Variants in ABLIM1 observed in about 807,000 individuals in gnomAD.
The protein encoded by ABLIM1 is actin-binding LIM protein 1.
In ABLIM1, 40 loss-of-function variants were observed where a neutral mutation model predicts 107.0. The ratio of observed to expected loss-of-function variants is 0.37; its 90% CI spans 0.29 to 0.49. The LOEUF (loss-of-function observed/expected upper bound fraction) is 0.49. Ranked by LOEUF, ABLIM1 falls within the 20% of genes least tolerant of loss-of-function variation. The pLI, the probability that ABLIM1 is intolerant of heterozygous loss-of-function variation, is 0.97. For missense variants in ABLIM1, 857 were observed against 1,008.5 expected (o/e 0.85, Z 2.04); for synonymous variants, 357 against 357.3 (o/e 1.00, Z 0.01).
rs1319968575 is a variant in ABLIM1 at position 114,431,946 on chromosome 10, C to T, written c.*4314G>A. 1 of 151,082 alleles carries T rather than the reference C, an allele frequency of 6.6e-6. No individual in the cohort carries two copies. Among genetic ancestry groups the T allele is most frequent in the African/African-American group, 2.4e-5 (1 of 41,036 alleles). 9.4% of individuals were successfully genotyped at this position (151,082 alleles called of 1,614,324 possible). On this transcript the variant is annotated 3_prime_UTR_variant, in exon 23 of 23. Transcript: ENST00000533213. Reference sequence around the variant, plus strand: ...AAAGCATATCTGCCACCACCTCCCACTGCTTCCTGGGCCGCAAACAGAAAA... The same window carrying T: ...AAAGCATATCTGCCACCACCTCCCATTGCTTCCTGGGCCGCAAACAGAAAA...
intron 6 of ABLIM1, among the ~76,000 whole-genome samples, chr10:114,500,781 G>GGGAAGGGAAA (rs2060323602): frequency 6.9e-6 from 1 of 145,284 alleles, no homozygotes; most frequent in African/African-American, 2.7e-5. Flanking sequence ...GGGAAGGGAA[G>GGGAAGGGAAA]GGAAGGGAAG....
intron 6 of ABLIM1, among the ~76,000 whole-genome samples, chr10:114,495,618 C>T (rs968620985): frequency 2.6e-5 from 4 of 151,898 alleles, no homozygotes; most frequent in East Asian, 1.9e-4. Context: ...GTGGTGATGA[C>T]GGTGCTGCTG....
chr10:114,473,963 A>C lies in ABLIM1; in HGVS notation c.1042-7T>G. 6.2e-7 allele frequency: 1 copy of C among 1,611,736 alleles called. No homozygotes were observed. Among genetic ancestry groups the C allele is most frequent in the Non-Finnish European group, 8.5e-7 (1 of 1,178,150 alleles). The stretch of plus-strand genomic sequence containing the variant: ...CCGAGGATGTCCTGGTAGGCTGTAA[A>C]ATAAACAGTGACTTGTAAGACTTCG... On this transcript the variant is annotated splice_polypyrimidine_tract_variant and splice_region_variant and intron_variant, in intron 8 of 22. Coordinates refer to ENST00000533213, the MANE Select transcript of ABLIM1 (RefSeq NM_002313.7).
At chr10:114,788,632 G>A in the ABLIM1 span, among the ~76,000 whole-genome samples, 11 of 152,240 alleles carry the variant, frequency 7.2e-5, 1 homozygote, top group East Asian at 2.1e-3. Flanking sequence ...AAAGGCTGAG[G>A]CAGGAGAATC....
chr10:114,788,876 T>TA, the ABLIM1 span, among the ~76,000 whole-genome samples: 1 of 152,190 alleles, frequency 6.6e-6, no homozygotes, highest in East Asian at 1.9e-4. Context: ...AATACACCAG[T>TA]ACCAAAAAAT....
chr10:114,739,687 A>G (rs770624098), intron 1 of ABLIM1, among the ~76,000 whole-genome samples: 4 of 152,136 alleles, frequency 2.6e-5, no homozygotes, highest in Admixed American at 1.3e-4. Context: ...AAACAAAATA[A>G]TTGCATAACA....
intron 1 of ABLIM1, among the ~76,000 whole-genome samples, chr10:114,700,313 T>C (rs2081282617): frequency 6.6e-6 from 1 of 152,180 alleles, no homozygotes; most frequent in African/African-American, 2.4e-5. Context: ...TAAAGATATA[T>C]ATCATGTCTA....
At chr10:114,559,438 C>CAAAAAAAAAAAAAAAAAAAAAAAAAA (rs72456292) in intron 4 of ABLIM1, among the ~76,000 whole-genome samples, 3 of 49,360 alleles carry the variant, frequency 6.1e-5, no homozygotes, top group Non-Finnish European at 1.1e-4. Flanking sequence ...ACTCGTCTCT[C>CAAAAAAAAAAAAAAAAAAAAAAAAAA]AAAAAAAAAA....
intron 6 of ABLIM1, among the ~76,000 whole-genome samples, chr10:114,527,665 T>TC: frequency 6.7e-6 from 1 of 149,576 alleles, no homozygotes; most frequent in East Asian, 2.0e-4. Context: ...TTGTCTTTTT[T>TC]TTTTTTTTTT....
chr10:114,469,009 G>A lies in ABLIM1; in HGVS notation c.1276-793C>T, dbSNP rs368919013. On this transcript the variant is annotated intron_variant, in intron 10 of 22. Transcript: ENST00000533213. ...GAAGCTTGCAGTGAGCCGAGATCAC[G>A]CCACTGCACTCCAGCCTGGGAGACA... 3.7e-3 allele frequency among the ~76,000 whole-genome samples: 495 copies of A among 134,564 alleles called. 7 individuals carry two copies. Among genetic ancestry groups the A allele is most frequent in the Middle Eastern group, 0.018 (4 of 220 alleles). The allele number at this position is 134,564 out of a possible 152,430, so 88.3% of individuals were successfully genotyped here.
intron 8 of ABLIM1, among the ~76,000 whole-genome samples, chr10:114,481,266 C>T (rs746251030): frequency 2.6e-5 from 4 of 151,976 alleles, no homozygotes; most frequent in African/African-American, 4.8e-5. Flanking sequence ...TGCTGGGAAG[C>T]ACTTTGTAGC....
intron 1 of ABLIM1, among the ~76,000 whole-genome samples, chr10:114,681,077 G>A (rs1486056657): frequency 6.6e-6 from 1 of 152,192 alleles, no homozygotes; most frequent in East Asian, 1.9e-4. Flanking sequence ...CACAATCAGT[G>A]AAGTGGCTGA....
chr10:114,447,869 C>A lies in ABLIM1; in HGVS notation c.1735+11G>T. The A allele has an allele frequency of 6.2e-7, 1 of 1,614,046 alleles. No individual in the cohort carries two copies. The highest frequency in any genetic ancestry group is 8.5e-7 in the Non-Finnish European group (1 of 1,179,974). On this transcript the variant is annotated intron_variant, in intron 15 of 22. Coordinates refer to ENST00000533213, the MANE Select transcript of ABLIM1 (RefSeq NM_002313.7). ...GTTTGTCCCTTTGACTTAGCCGTGA[C>A]AGTTGCATACCTACGACAGCAAATG...
At chr10:114,571,585 G>A (rs1458994802) in intron 3 of ABLIM1, among the ~76,000 whole-genome samples, 179 bp from the exon 4 acceptor site, 1 of 152,092 alleles carries the variant, frequency 6.6e-6, no homozygotes, top group Non-Finnish European at 1.5e-5. Flanking sequence ...AAATAAATGT[G>A]CCTCATTTTG....
intron 4 of ABLIM1, among the ~76,000 whole-genome samples, chr10:114,557,810 T>G (rs774275685): frequency 2.1e-5 from 3 of 145,676 alleles, no homozygotes; most frequent in Non-Finnish European, 4.5e-5. Context: ...CTGAGTTCCT[T>G]TCTCAGAAAA....
upstream of ABLIM1, among the ~76,000 whole-genome samples, chr10:114,661,268 T>A (rs1031013843): frequency 6.6e-6 from 1 of 152,092 alleles, no homozygotes; most frequent in African/African-American, 2.4e-5. Flanking sequence ...GAACTACATA[T>A]AAATGTGAGG....
At chr10:114,762,951 A>T (rs1003993750) in intron 1 of ABLIM1, among the ~76,000 whole-genome samples, 2 of 152,182 alleles carry the variant, frequency 1.3e-5, no homozygotes, top group Non-Finnish European at 2.9e-5. Flanking sequence ...AGTTTTGTGG[A>T]AGTTCCGAAA....
chr10:114,504,350 T>C (rs2060838317), intron 6 of ABLIM1, among the ~76,000 whole-genome samples: 1 of 152,178 alleles, frequency 6.6e-6, no homozygotes, highest in Non-Finnish European at 1.5e-5. Flanking sequence ...AGAGTTCAAA[T>C]CTAAGGTTTT....
chr10:114,508,686 C>T (rs1463271288), intron 6 of ABLIM1, among the ~76,000 whole-genome samples: 1 of 152,160 alleles, frequency 6.6e-6, no homozygotes, highest in Non-Finnish European at 1.5e-5. Flanking sequence ...GAGACCTTGA[C>T]TTTACGTTCC....
Sources: allele counts gnomAD v4.1 joint callset (sites outside exome capture counted in the v4.1 genomes callset), GRCh38; gene constraint gnomAD v4.1.1; transcripts MANE v1.5; gene names NCBI Gene and HGNC (gene_info 2026-07-23, HGNC 2026-07-21).